The following NPAS3 variants were observed in gnomAD, a reference collection of about 807,000 sequenced individuals.
NPAS3 encodes neuronal PAS domain protein 3.
NPAS3 carries 14 observed loss-of-function variants against 73.1 expected under a neutral mutation model. That is an observed-to-expected ratio of 0.19 (90% CI 0.13 to 0.30). The LOEUF (loss-of-function observed/expected upper bound fraction) is 0.30, where lower values mean the gene tolerates loss of function less well. Ranked by LOEUF, NPAS3 falls within the 10% of genes least tolerant of loss-of-function variation. The pLI, the probability that NPAS3 is intolerant of heterozygous loss-of-function variation, is 1.00. For synonymous variants in NPAS3, 620 were observed against 541.5 expected, an observed-to-expected ratio of 1.14 and a Z score of -2.01; for missense variants, 1,096 against 1,250.0, an observed-to-expected ratio of 0.88 and a Z score of 1.86.
At chr14:33,610,754 G>C (rs1367529803) in intron 5 of NPAS3, among the ~76,000 whole-genome samples, 2 of 152,070 alleles carry the variant, frequency 1.3e-5, no homozygotes, top group Non-Finnish European at 2.9e-5. Flanking sequence ...TGATTACTGG[G>C]GTTAGTGACT....
chr14:33,668,858 T>G (rs567009068), intron 5 of NPAS3, among the ~76,000 whole-genome samples: 1 of 152,240 alleles, frequency 6.6e-6, no homozygotes, highest in East Asian at 1.9e-4. Flanking sequence ...AGGGAAATAT[T>G]TAAATTTCAA....
At chr14:33,183,297 G>A (rs1278087577) in intron 2 of NPAS3, among the ~76,000 whole-genome samples, 2 of 151,890 alleles carry the variant, frequency 1.3e-5, no homozygotes, top group Non-Finnish European at 2.9e-5. Context: ...ATGGTGGTGG[G>A]CGCCTGTAAT....
upstream of NPAS3, chr14:32,939,274 G>C (rs1319934636): frequency 2.8e-6 from 2 of 716,874 alleles, no homozygotes; most frequent in African/African-American, 3.7e-5. Flanking sequence ...CCGGGAGGGG[G>C]GAGAGAGGCA....
intron 4 of NPAS3, among the ~76,000 whole-genome samples, chr14:33,406,799 T>C (rs2047687154): frequency 6.6e-6 from 1 of 152,118 alleles, no homozygotes; most frequent in Non-Finnish European, 1.5e-5. Context: ...ACTGCATTTT[T>C]CTAACCCAGA....
At chr14:33,744,329 G>A (rs1773869229) in intron 7 of NPAS3, among the ~76,000 whole-genome samples, 1 of 152,062 alleles carries the variant, frequency 6.6e-6, no homozygotes, top group Non-Finnish European at 1.5e-5. Context: ...CTGAGGAGAG[G>A]GAGAGAGACT....
intron 2 of NPAS3, among the ~76,000 whole-genome samples, chr14:33,130,319 C>T (rs2139100740): frequency 6.6e-6 from 1 of 152,232 alleles, no homozygotes; most frequent in East Asian, 1.9e-4. Flanking sequence ...ACTGTCTCAG[C>T]AGTAATGGAA....
At chr14:33,258,581 A>G (rs1461480286) in intron 3 of NPAS3, among the ~76,000 whole-genome samples, 2 of 152,220 alleles carry the variant, frequency 1.3e-5, no homozygotes, top group African/African-American at 4.8e-5. Context: ...TTAGTGATTC[A>G]TTAGAATTGT....
rs561260362 is a variant in NPAS3 at position 33,183,358 on chromosome 14, G to A, written c.141-31824G>A. The stretch of plus-strand genomic sequence containing the variant: ...GGAGAATTGCTGGAGCCTGGGAGGC[G>A]GAGGTTGCAGTGAGCTGAGATTACA... On this transcript the variant is annotated intron_variant, in intron 2 of 11. Coordinates refer to ENST00000356141, the Ensembl canonical transcript of NPAS3. Among the ~76,000 whole-genome samples, 6 of 151,434 alleles carry A rather than the reference G, an allele frequency of 4.0e-5. No homozygotes were observed. In the South Asian group the frequency reaches 1.0e-3, roughly 26 times the overall value.
At chr14:33,119,215 G>A (rs1303031475) in intron 2 of NPAS3, among the ~76,000 whole-genome samples, 1 of 151,938 alleles carries the variant, frequency 6.6e-6, no homozygotes, top group Admixed American at 6.6e-5. Flanking sequence ...TTTTAGGTTA[G>A]GACAAAATTT....
chr14:33,645,006 G>A (rs1301463821), intron 5 of NPAS3, among the ~76,000 whole-genome samples: 4 of 150,826 alleles, frequency 2.7e-5, no homozygotes, highest in Non-Finnish European at 4.4e-5. Context: ...GCTTGAAACC[G>A]GAAGGTGGAG....
chr14:33,448,169 G>A (rs2049609040), intron 4 of NPAS3, among the ~76,000 whole-genome samples: 1 of 152,160 alleles, frequency 6.6e-6, no homozygotes, highest in Admixed American at 6.5e-5. Context: ...GGACTGATTA[G>A]GGTTGAAACT....
intron 6 of NPAS3, among the ~76,000 whole-genome samples, chr14:33,716,274 GTT>G (rs1336126032): frequency 6.6e-6 from 1 of 152,148 alleles, no homozygotes; most frequent in Non-Finnish European, 1.5e-5. Flanking sequence ...TCCAGCTACT[GTT>G]TCGTCTTAGC....
intron 7 of NPAS3, among the ~76,000 whole-genome samples, chr14:33,767,034 T>TAA (rs1290742358): frequency 2.6e-5 from 4 of 152,252 alleles, no homozygotes; most frequent in African/African-American, 4.8e-5. Flanking sequence ...CCAGAAGGTC[T>TAA]AAGGGCTCCT....
At chr14:33,789,013 T>C (rs1340145583) in intron 9 of NPAS3, among the ~76,000 whole-genome samples, 7 of 151,658 alleles carry the variant, frequency 4.6e-5, no homozygotes, top group Admixed American at 3.9e-4. Context: ...CTGTGTTTGA[T>C]GTAAAAGGTC....
intron 5 of NPAS3, among the ~76,000 whole-genome samples, chr14:33,675,690 G>A (rs2059741863): frequency 6.6e-6 from 1 of 152,144 alleles, no homozygotes. Context: ...TTTGTAAGCA[G>A]CCCTTCTTAC....
chr14:33,305,416 A>G (rs1219772075), intron 3 of NPAS3, among the ~76,000 whole-genome samples: 2 of 152,138 alleles, frequency 1.3e-5, no homozygotes, highest in African/African-American at 2.4e-5. Flanking sequence ...TAGATAGGAC[A>G]TTCTCACCTT....
intron 1 of NPAS3, among the ~76,000 whole-genome samples, chr14:33,024,843 T>A (rs1473764557): frequency 6.6e-6 from 1 of 152,222 alleles, no homozygotes; most frequent in African/African-American, 2.4e-5. Flanking sequence ...ACTTTTGTAA[T>A]CAGAAAACAC....
chr14:33,627,789 G>A (rs956195498), intron 5 of NPAS3, among the ~76,000 whole-genome samples: 3 of 152,186 alleles, frequency 2.0e-5, no homozygotes, highest in Admixed American at 2.0e-4. Flanking sequence ...TGCTTTAAAA[G>A]CAAAGCACAT....
At chr14:33,460,181 A>AAC (rs2050198305) in intron 4 of NPAS3, among the ~76,000 whole-genome samples, 2 of 152,200 alleles carry the variant, frequency 1.3e-5, no homozygotes, top group Admixed American at 6.5e-5. Flanking sequence ...ATTGGCAATG[A>AAC]AAAAAAGATT....
Sources: gnomAD v4.1 joint callset for allele counts (sites outside exome capture counted in the v4.1 genomes callset) on GRCh38, gnomAD v4.1.1 for gene constraint, MANE v1.5 for transcripts, NCBI Gene and HGNC (gene_info 2026-07-23, HGNC 2026-07-21) for gene names.